PPP2R1B: variants seen among roughly 807,000 people sequenced by gnomAD.
PPP2R1B encodes protein phosphatase 2 scaffold subunit Abeta.
In PPP2R1B, 58 loss-of-function variants were observed where a neutral mutation model predicts 72.7. That is an observed-to-expected ratio of 0.80 (90% confidence interval 0.65 to 0.99). The LOEUF (loss-of-function observed/expected upper bound fraction) is 0.99. Ranked by LOEUF, PPP2R1B falls within the 50% of genes least tolerant of loss-of-function variation. PPP2R1B has a pLI of 0.00. For synonymous variants in PPP2R1B, 256 were observed against 264.6 expected, an observed-to-expected ratio of 0.97 and a Z score of 0.32; for missense variants, 695 against 733.6, an observed-to-expected ratio of 0.95 and a Z score of 0.61.
At chr11:111,709,800 CCTGT>C in the PPP2R1B span, among the ~76,000 whole-genome samples, 1 of 152,202 alleles carries the variant, frequency 6.6e-6, no homozygotes, top group Non-Finnish European at 1.5e-5. Flanking sequence ...ATTCCTTGAT[CCTGT>C]CTGTTATTCC....
chr11:111,722,988 C>T (rs912005872), downstream of PPP2R1B, among the ~76,000 whole-genome samples: 8 of 152,198 alleles, frequency 5.3e-5, no homozygotes, highest in African/African-American at 1.7e-4. This position sits in a 1 kb window ranked among gnomAD's most constrained non-coding sequence, Gnocchi z 4.4. Flanking sequence ...TTTCTTCTAG[C>T]GTTTCCTCTT....
chr11:111,713,659 T>C, the PPP2R1B span, among the ~76,000 whole-genome samples: 1 of 152,162 alleles, frequency 6.6e-6, no homozygotes, highest in Non-Finnish European at 1.5e-5. Context: ...CGCCAGGTGC[T>C]GAATAAATTG....
chr11:111,720,591 G>T, the PPP2R1B span: 1 of 1,614,066 alleles, frequency 6.2e-7, no homozygotes, highest in Admixed American at 1.7e-5. Flanking sequence ...TTCCCTTAAG[G>T]ACATCATGTT....
At chr11:111,716,218 G>A in the PPP2R1B span, among the ~76,000 whole-genome samples, 339 of 152,314 alleles carry the variant, frequency 2.2e-3, no homozygotes, top group Non-Finnish European at 3.5e-3. Flanking sequence ...ACACAGTGGA[G>A]GTGTTTCGTG....
At chr11:111,744,782 C>A (rs564298662) in intron 11 of PPP2R1B, among the ~76,000 whole-genome samples, 1 of 152,290 alleles carries the variant, frequency 6.6e-6, no homozygotes, top group Non-Finnish European at 1.5e-5. Flanking sequence ...TTCATAGATC[C>A]TTCTGGGCAA....
chr11:111,735,530 C>G (rs1944314721), downstream of PPP2R1B, among the ~76,000 whole-genome samples: 1 of 152,338 alleles, frequency 6.6e-6, no homozygotes, highest in Admixed American at 6.5e-5. Flanking sequence ...TGGGAGGTGA[C>G]CCTCGCTGCT....
In PPP2R1B at chr11:111,764,898, A is replaced by C; in HGVS notation, c.213T>G (p.Ile71Met). 6.2e-7 allele frequency: 1 copy of C among 1,613,826 alleles called. No individual in the cohort carries two copies. Among genetic ancestry groups the C allele is most frequent in the Non-Finnish European group, 8.5e-7 (1 of 1,179,996 alleles). ...SELLPFLTDT[I>M]YDEDEVLLAL... ...CTAATAGTACCTCATCTTCATCATA[A>C]ATTGTATCTGGAAGTGACAACAACA... The change falls in exon 3 of 15, where the codon ATT (isoleucine) becomes ATG (methionine). Residue 71 changes from isoleucine to methionine, a missense_variant. Ile to Met is a conservative substitution (Grantham distance 10). Coordinates refer to ENST00000527614, the MANE Select transcript of PPP2R1B (RefSeq NM_002716.5).
chr11:111,742,114 T>A lies in PPP2R1B; in HGVS notation c.1728A>T (p.Leu576=), dbSNP rs778160192. 12 of 1,613,670 alleles carry A rather than the reference T, an allele frequency of 7.4e-6. No individual in the cohort carries two copies. In the Admixed American group the frequency reaches 8.3e-5, roughly 11 times the overall value. Reference sequence around the variant, plus strand: ...TGTCTTCATCTTGACCTAACTTCTGTAGTACTGGCTTCACTTCTCCCTGTA... The same window carrying A: ...TGTCTTCATCTTGACCTAACTTCTGAAGTACTGGCTTCACTTCTCCCTGTA... ...NALQGEVKPV[L]QKLGQDEDMD... Residue 576 remains leucine, a synonymous_variant, in exon 14 of 15, where the codon CTA becomes CTT. Coordinates refer to ENST00000527614, the MANE Select transcript of PPP2R1B (RefSeq NM_002716.5).
chr11:111,740,665 T>C lies in PPP2R1B; in HGVS notation c.*931A>G, dbSNP rs146488816. ...ATCACCCATACTAAAAACTTAGCAA[T>C]AAAACTGCAGTTTGAAAAGCTACTG... On this transcript the variant is annotated 3_prime_UTR_variant, in exon 15 of 15. Transcript: ENST00000527614. 89 of 985,326 alleles carry C rather than the reference T, an allele frequency of 9.0e-5. 1 individual carries two copies. The African/African-American group carries it at 1.5e-3, about 16-fold the overall frequency. 61.0% of individuals were successfully genotyped at this position (985,326 alleles called of 1,614,324 possible). A position where few individuals can be genotyped will look rare whatever the true frequency, so the allele number is the denominator to read the frequency against.
At chr11:111,723,641 G>T (rs767136609), downstream of PPP2R1B, 1 of 1,614,032 alleles carries the variant, frequency 6.2e-7, no homozygotes, top group South Asian at 1.1e-5. Context: ...TTCTCAGCAG[G>T]CCCCACCGTT....
chr11:111,711,680 C>T, the PPP2R1B span, among the ~76,000 whole-genome samples: 4 of 152,342 alleles, frequency 2.6e-5, no homozygotes, highest in South Asian at 8.3e-4. Flanking sequence ...CTTTCTTCCT[C>T]TTCGCATACA....
chr11:111,759,397 G>A (rs1192325553), intron 5 of PPP2R1B, among the ~76,000 whole-genome samples: 3 of 152,158 alleles, frequency 2.0e-5, no homozygotes, highest in African/African-American at 4.8e-5. Flanking sequence ...CACTACTATA[G>A]AAGAAGCAGA....
intron 8 of PPP2R1B, among the ~76,000 whole-genome samples, chr11:111,754,057 C>A (rs1204067812): frequency 6.6e-6 from 1 of 152,016 alleles, no homozygotes; most frequent in Non-Finnish European, 1.5e-5. Flanking sequence ...GCTGGTACTA[C>A]AGGTGCATGC....
At chr11:111,723,969 A>G, downstream of PPP2R1B, 1 of 1,614,188 alleles carries the variant, frequency 6.2e-7, no homozygotes, top group Non-Finnish European at 8.5e-7. Flanking sequence ...GGAGCCCAGC[A>G]GAGCGACCTA....
chr11:111,733,026 G>A (rs767408499), downstream of PPP2R1B, among the ~76,000 whole-genome samples: 8 of 152,186 alleles, frequency 5.3e-5, no homozygotes, highest in African/African-American at 2.4e-5. Context: ...TGACTGAGGC[G>A]AAGGGGCTGG....
At chr11:111,734,917 G>A (rs1025608659), downstream of PPP2R1B, among the ~76,000 whole-genome samples, 1 of 152,194 alleles carries the variant, frequency 6.6e-6, no homozygotes, top group African/African-American at 2.4e-5. Context: ...GACAAGTGAG[G>A]TTCCTGAGCT....
At chr11:111,753,621 G>A in intron 8 of PPP2R1B, 44 bp from the exon 9 acceptor site, 2 of 1,557,400 alleles carry the variant, frequency 1.3e-6, no homozygotes, top group Non-Finnish European at 1.8e-6. Context: ...CAAGACAACA[G>A]AAACTTCCAT....
At chr11:111,695,842 C>T in the PPP2R1B span, among the ~76,000 whole-genome samples, 2 of 152,332 alleles carry the variant, frequency 1.3e-5, no homozygotes, top group East Asian at 3.9e-4. Context: ...ATGCAAGACC[C>T]TCTTATTCCT....
chr11:111,745,082 C>T (rs1944659383), intron 11 of PPP2R1B, among the ~76,000 whole-genome samples: 1 of 138,782 alleles, frequency 7.2e-6, no homozygotes. Context: ...GACAGAGCCT[C>T]ACTCTGTCTC....
Sources: gnomAD v4.1 joint callset for allele counts (sites outside exome capture counted in the v4.1 genomes callset) on GRCh38, gnomAD v4.1.1 for gene constraint, Gnocchi (gnomAD v3.1) non-coding constraint, MANE v1.5 for transcripts, NCBI Gene and HGNC (gene_info 2026-07-23, HGNC 2026-07-21) for gene names.